RNF130: variants seen among roughly 807,000 people sequenced by gnomAD.
The protein encoded by RNF130 is ring finger protein 130.
In RNF130, 21 loss-of-function variants were observed where a neutral mutation model predicts 44.6. That is an observed-to-expected ratio of 0.47 (90% CI 0.33 to 0.68). The LOEUF is 0.68. Among genes scored for constraint, RNF130 ranks in the 30% least tolerant of loss-of-function variants. The probability of loss-of-function intolerance (pLI) is 0.02; values close to 1 mark genes in which losing one functional copy is unlikely to be tolerated. For synonymous variants in RNF130, 214 were observed against 210.4 expected (o/e 1.02, Z -0.15); for missense variants, 479 against 560.6 (o/e 0.85, Z 1.47).
exon 8 of RNF130, chr5:179,915,970 C>G (rs1761538973): frequency 6.6e-6 from 1 of 152,174 alleles, no homozygotes; most frequent in East Asian, 1.9e-4. Flanking sequence ...AGATTCACCC[C>G]AACTTCAAGC....
At chr5:179,922,012 C>T (rs1051550622) in intron 7 of RNF130, among the ~76,000 whole-genome samples, 2 of 151,514 alleles carry the variant, frequency 1.3e-5, no homozygotes, top group Admixed American at 1.3e-4. Flanking sequence ...CAGAGTGAGA[C>T]TCCGTCTGAA....
rs76085989 is a variant in RNF130, at chr5:180,034,811, G to T, written c.442+5642C>A. Among the ~76,000 whole-genome samples the T allele has an allele frequency of 2.0e-3, 305 of 152,304 alleles. 1 individual carries two copies. Among genetic ancestry groups the T allele is most frequent in the African/African-American group, 6.7e-3 (279 of 41,566 alleles). On this transcript the variant is annotated intron_variant, in intron 2 of 8. Coordinates refer to ENST00000521389, the MANE Select transcript of RNF130 (RefSeq NM_018434.6). ...GTCCTCCTAGTGAGTCACTGAACCT[G>T]TGGATGGTCATGGGGACCCCAGACA... is the stretch of plus-strand genomic sequence containing the variant.
intron 2 of RNF130, among the ~76,000 whole-genome samples, chr5:180,013,741 G>A (rs1763645925): frequency 1.3e-5 from 2 of 152,150 alleles, no homozygotes; most frequent in African/African-American, 2.4e-5. Context: ...TTAAGAAATG[G>A]AGTAAAGTGC....
downstream of RNF130, among the ~76,000 whole-genome samples, chr5:179,952,585 G>T (rs549454464): frequency 3.9e-5 from 6 of 152,222 alleles, no homozygotes; most frequent in East Asian, 1.2e-3. Context: ...AAATATAGAT[G>T]CAAAAATCCT....
At chr5:179,993,135 T>G (rs1410185628) in intron 3 of RNF130, among the ~76,000 whole-genome samples, 7 of 152,258 alleles carry the variant, frequency 4.6e-5, no homozygotes, top group Non-Finnish European at 8.8e-5. Context: ...TGTTGGACAT[T>G]TGGGTTGGTT....
chr5:179,932,283 A>T (rs1015170693), intron 7 of RNF130, among the ~76,000 whole-genome samples: 1 of 152,076 alleles, frequency 6.6e-6, no homozygotes, highest in Non-Finnish European at 1.5e-5. Flanking sequence ...TTTGAGAGGG[A>T]GTCTCGCCCT....
chr5:179,992,767 C>T (rs1445602061), intron 3 of RNF130, among the ~76,000 whole-genome samples: 2 of 152,176 alleles, frequency 1.3e-5, no homozygotes, highest in Non-Finnish European at 2.9e-5. Flanking sequence ...GGTACATGTG[C>T]ACAACGTGCA....
At chr5:179,967,899 G>A (rs1392542533) in intron 6 of RNF130, among the ~76,000 whole-genome samples, 1 of 152,168 alleles carries the variant, frequency 6.6e-6, no homozygotes, top group Non-Finnish European at 1.5e-5. Context: ...GTTAAAAGAG[G>A]TTTTTTTATG....
chr5:180,028,125 A>C (rs1764033690), intron 2 of RNF130, among the ~76,000 whole-genome samples: 1 of 152,064 alleles, frequency 6.6e-6, no homozygotes, highest in African/African-American at 2.4e-5. Flanking sequence ...CAGATCCTTC[A>C]CTTACAAGGG....
intron 1 of RNF130, among the ~76,000 whole-genome samples, chr5:180,055,986 A>T (rs1764811067): frequency 6.6e-6 from 1 of 152,122 alleles, no homozygotes; most frequent in Admixed American, 6.5e-5. Context: ...CGGGAGGCTG[A>T]GGCAGGAGAA....
intron 1 of RNF130, among the ~76,000 whole-genome samples, chr5:180,056,092 A>C (rs1252185737): frequency 6.6e-6 from 1 of 151,984 alleles, no homozygotes; most frequent in Non-Finnish European, 1.5e-5. Context: ...TTAAAAAAAA[A>C]CAAAAACAAA....
At chr5:179,981,419 T>C (rs1762836570) in intron 3 of RNF130, among the ~76,000 whole-genome samples, 1 of 152,140 alleles carries the variant, frequency 6.6e-6, no homozygotes. Context: ...TAAAAACCCA[T>C]AGAAACATGT....
chr5:179,941,334 T>C (rs992543718), intron 7 of RNF130, among the ~76,000 whole-genome samples: 3 of 152,242 alleles, frequency 2.0e-5, no homozygotes, highest in African/African-American at 7.2e-5. Flanking sequence ...ACTTTTAGAA[T>C]ATGGGCATAT....
chr5:179,947,913 T>C (rs1233813722), intron 7 of RNF130, among the ~76,000 whole-genome samples: 1 of 152,140 alleles, frequency 6.6e-6, no homozygotes, highest in Non-Finnish European at 1.5e-5. Context: ...TGGGTGTGTA[T>C]GTGTTTGTGT....
chr5:179,940,196 G>A, intron 7 of RNF130: 1 of 152,274 alleles, frequency 6.6e-6, no homozygotes, highest in Non-Finnish European at 1.5e-5. Context: ...ACTGGCAGTG[G>A]CTCCTCACTT....
rs1052985321 is a variant in RNF130, at chr5:179,955,526, G to C, written c.*128C>G. ...CTTTTAATACAAAGCTTTGGCATTA[G>C]CAATTTTATGAAAAAATAAAATGTA... On this transcript the variant is annotated 3_prime_UTR_variant, in exon 9 of 9. Coordinates refer to ENST00000521389, the MANE Select transcript of RNF130 (RefSeq NM_018434.6). 4 of 724,428 alleles carry C rather than the reference G, an allele frequency of 5.5e-6. No homozygotes were observed. Among genetic ancestry groups the C allele is most frequent in the Admixed American group, 2.6e-5 (1 of 39,002 alleles). The allele number at this position is 724,428 out of a possible 1,614,324, so 44.9% of individuals were successfully genotyped here.
At chr5:180,046,224 C>T (rs930614550) in intron 1 of RNF130, among the ~76,000 whole-genome samples, 3 of 152,298 alleles carry the variant, frequency 2.0e-5, no homozygotes, top group East Asian at 1.9e-4. Flanking sequence ...GTGCAGGGCC[C>T]GCCAAGCTCA....
intron 7 of RNF130, among the ~76,000 whole-genome samples, chr5:179,923,895 T>G (rs1761667455): frequency 1.3e-5 from 2 of 152,200 alleles, no homozygotes; most frequent in South Asian, 4.1e-4. Flanking sequence ...GATTAGAAAT[T>G]CTCGAACTTG....
In RNF130 at chr5:179,955,333, C is replaced by T. The variant is rs1422141566; in HGVS notation, c.*321G>A. ...GTGGGTAGGAGCCAATGTGAAGACA[C>T]CAATAGTAAGTGTCAATCCCTGTTC... On this transcript the variant is annotated 3_prime_UTR_variant, in exon 9 of 9. Transcript: ENST00000521389. 1.1e-5 allele frequency: 3 copies of T among 274,892 alleles called. No individual in the cohort carries two copies. The highest frequency in any genetic ancestry group is 4.4e-5 in the African/African-American group (2 of 45,802). The allele number at this position is 274,892 out of a possible 1,614,324, so 17.0% of individuals were successfully genotyped here.
Sources: allele counts gnomAD v4.1 joint callset (sites outside exome capture counted in the v4.1 genomes callset), GRCh38; gene constraint gnomAD v4.1.1; transcripts MANE v1.5; gene names NCBI Gene and HGNC (gene_info 2026-07-23, HGNC 2026-07-21).